Variants in IQCJ observed in about 807,000 individuals in gnomAD.
IQCJ encodes the protein IQ domain-containing protein J.
Under a neutral mutation model 11.0 loss-of-function variants are expected in IQCJ, and 9 were observed. The observed-to-expected ratio is 0.82, with a 90% CI of 0.49 to 1.43. IQCJ has a LOEUF of 1.43. Among genes scored for constraint, IQCJ ranks in the 40% most tolerant of loss-of-function variants. The pLI, the probability that IQCJ is intolerant of heterozygous loss-of-function variation, is 0.00. For missense variants in IQCJ, 146 were observed against 133.2 expected (o/e 1.10, Z -0.47); for synonymous variants, 55 against 51.3 (o/e 1.07, Z -0.31).
intron 1 of IQCJ, among the ~76,000 whole-genome samples, chr3:159,189,614 G>T (rs375271494): frequency 6.6e-6 from 1 of 151,914 alleles, no homozygotes; most frequent in Non-Finnish European, 1.5e-5. Flanking sequence ...GGTCGTTTTA[G>T]TGGCTGATAT....
intron 1 of IQCJ, among the ~76,000 whole-genome samples, chr3:159,177,244 A>G (rs1722846579): frequency 6.6e-6 from 1 of 152,186 alleles, no homozygotes; most frequent in South Asian, 2.1e-4. Context: ...CAAAATTCCC[A>G]CACAATATAA....
intron 1 of IQCJ, among the ~76,000 whole-genome samples, chr3:159,125,145 A>C (rs941862213): frequency 2.0e-5 from 3 of 152,202 alleles, no homozygotes; most frequent in Non-Finnish European, 4.4e-5. Context: ...CATTATGTTG[A>C]TAGTGCATGT....
chr3:159,088,325 A>T (rs1222706344), intron 1 of IQCJ, among the ~76,000 whole-genome samples: 3 of 151,676 alleles, frequency 2.0e-5, no homozygotes, highest in African/African-American at 7.3e-5. Flanking sequence ...TGCTGAGGAG[A>T]GCTTTACTTC....
chr3:159,232,990 C>G (rs1049523747), intron 1 of IQCJ, among the ~76,000 whole-genome samples: 2 of 152,314 alleles, frequency 1.3e-5, no homozygotes, highest in African/African-American at 4.8e-5. Flanking sequence ...ATATAATGCT[C>G]TCCTAGAGAC....
intron 1 of IQCJ, among the ~76,000 whole-genome samples, chr3:159,206,241 C>T (rs1724651555): frequency 6.6e-6 from 1 of 152,194 alleles, no homozygotes; most frequent in Admixed American, 6.5e-5. Flanking sequence ...TCACTATCTT[C>T]CATTTTTAAA....
At chr3:159,158,696 A>G (rs1577048677) in intron 1 of IQCJ, among the ~76,000 whole-genome samples, 1 of 152,348 alleles carries the variant, frequency 6.6e-6, no homozygotes, top group Non-Finnish European at 1.5e-5. Flanking sequence ...AACTGTAAGT[A>G]AAACCAGAGT....
At chr3:159,202,303 G>T (rs1724397552) in intron 1 of IQCJ, among the ~76,000 whole-genome samples, 1 of 152,126 alleles carries the variant, frequency 6.6e-6, no homozygotes, top group Non-Finnish European at 1.5e-5. Flanking sequence ...CTGGAAAGAA[G>T]GTGAAGATAA....
intron 1 of IQCJ, among the ~76,000 whole-genome samples, chr3:159,132,703 A>G (rs1426851783): frequency 6.6e-6 from 1 of 152,196 alleles, no homozygotes; most frequent in Non-Finnish European, 1.5e-5. Flanking sequence ...TTACTTGCTC[A>G]TTTAGGAAGA....
intron 1 of IQCJ, among the ~76,000 whole-genome samples, chr3:159,212,450 A>G (rs1406569563): frequency 2.0e-5 from 3 of 152,228 alleles, no homozygotes; most frequent in African/African-American, 7.2e-5. Flanking sequence ...ATGGATCCTG[A>G]TAAGTATTAC....
intron 1 of IQCJ, among the ~76,000 whole-genome samples, chr3:159,085,522 A>G (rs1310310354): frequency 6.7e-6 from 1 of 150,204 alleles, no homozygotes; most frequent in East Asian, 2.0e-4. Context: ...GAACTGGTTT[A>G]CAGTCCCACC....
chr3:159,241,344 G>A (rs1726912373), intron 1 of IQCJ, among the ~76,000 whole-genome samples: 2 of 152,154 alleles, frequency 1.3e-5, no homozygotes, highest in South Asian at 2.1e-4. Flanking sequence ...GGGAGGTGGA[G>A]GTTGCAGTGA....
At chr3:159,085,386 A>G (rs1040591008) in intron 1 of IQCJ, among the ~76,000 whole-genome samples, 11 of 152,094 alleles carry the variant, frequency 7.2e-5, no homozygotes, top group African/African-American at 2.7e-4. Flanking sequence ...ATACATGTGC[A>G]TGTGTCTTTA....
chr3:159,191,325 TG>T (rs1218502418), intron 1 of IQCJ, among the ~76,000 whole-genome samples: 1 of 152,246 alleles, frequency 6.6e-6, no homozygotes, highest in East Asian at 1.9e-4. Flanking sequence ...AGGAGGAGGC[TG>T]GGGTTGGATC....
intron 1 of IQCJ, among the ~76,000 whole-genome samples, chr3:159,214,826 T>C (rs1020073159): frequency 3.9e-5 from 6 of 152,190 alleles, no homozygotes; most frequent in Admixed American, 1.3e-4. Context: ...GGTTTTTCTT[T>C]CTTATTTTTG....
chr3:159,259,955 T>C (rs575554923), intron 3 of IQCJ, among the ~76,000 whole-genome samples: 1 of 152,286 alleles, frequency 6.6e-6, no homozygotes, highest in South Asian at 2.1e-4. Flanking sequence ...ATAAAATAAA[T>C]ATTACAAAAA....
chr3:159,088,978 A>T lies in IQCJ; in HGVS notation c.9+19537A>T, dbSNP rs1039383750. Among the ~76,000 whole-genome samples the T allele has an allele frequency of 1.7e-4, 26 of 150,814 alleles. No individual in the cohort carries two copies. In the East Asian group the frequency reaches 3.9e-3, roughly 23 times the overall value. On this transcript the variant is annotated intron_variant, in intron 1 of 3. Coordinates refer to ENST00000397832, the MANE Select transcript of IQCJ (RefSeq NM_001042706.3). ...CCTGTCATTATGATGTTAGCTGGTTATTTTGCTCATTAGTTGATGCAGTTT... is the reference window on the plus strand; with the variant it reads ...CCTGTCATTATGATGTTAGCTGGTTTTTTTGCTCATTAGTTGATGCAGTTT...
chr3:159,121,321 G>A (rs1033596484), intron 1 of IQCJ, among the ~76,000 whole-genome samples: 9 of 151,650 alleles, frequency 5.9e-5, no homozygotes, highest in Admixed American at 4.6e-4. Flanking sequence ...TTTTTTTAGA[G>A]ACTGGGTCTT....
Position 159,262,958 on chromosome 3 carries a change from T to C in IQCJ, c.*227T>C. 1 of 1,251,926 alleles carries C rather than the reference T, an allele frequency of 8.0e-7. No individual in the cohort carries two copies. The highest frequency in any genetic ancestry group is 1.5e-5 in the African/African-American group (1 of 66,972). The allele number at this position is 1,251,926 out of a possible 1,614,324, so 77.6% of individuals were successfully genotyped here. A position where few individuals can be genotyped will look rare whatever the true frequency, so the allele number is the denominator to read the frequency against. On this transcript the variant is annotated 3_prime_UTR_variant, in exon 4 of 4. Coordinates refer to ENST00000397832, the MANE Select transcript of IQCJ (RefSeq NM_001042706.3). ...TCTATTATGGAGGTATCTTTTTTGC[T>C]TTTCTTTATAATAGCATATTTCTTT...
intron 3 of IQCJ, among the ~76,000 whole-genome samples, chr3:159,260,160 A>C (rs1728119478): frequency 6.6e-6 from 1 of 152,220 alleles, no homozygotes; most frequent in East Asian, 1.9e-4. Context: ...TAAAACCAGG[A>C]GGGAGAAGAG....
Sources: allele counts gnomAD v4.1 joint callset (sites outside exome capture counted in the v4.1 genomes callset), GRCh38; gene constraint gnomAD v4.1.1; transcripts MANE v1.5; gene names NCBI Gene and HGNC (gene_info 2026-07-23, HGNC 2026-07-21).